DENND1B: variants seen among roughly 807,000 people sequenced by gnomAD.
The protein encoded by DENND1B is DENN domain-containing protein 1B.
Under a neutral mutation model 90.1 loss-of-function variants are expected in DENND1B, and 59 were observed. The ratio of observed to expected loss-of-function variants is 0.65; its 90% confidence interval spans 0.53 to 0.81. The LOEUF (loss-of-function observed/expected upper bound fraction) is 0.81, where lower values mean the gene tolerates loss of function less well. DENND1B is among the 40% of genes least tolerant of loss of function. The pLI, the probability that DENND1B is intolerant of heterozygous loss-of-function variation, is 0.00. For missense variants in DENND1B, 862 were observed against 912.6 expected (o/e 0.94, Z 0.71); for synonymous variants, 337 against 324.6 (o/e 1.04, Z -0.41).
intron 14 of DENND1B, among the ~76,000 whole-genome samples, chr1:197,586,210 G>A (rs971430816): frequency 4.0e-5 from 6 of 151,854 alleles, no homozygotes; most frequent in Admixed American, 2.6e-4. Context: ...GACTGAATAC[G>A]GAATCAAATA....
At chr1:197,648,130 C>A (rs950935144) in intron 7 of DENND1B, among the ~76,000 whole-genome samples, 22 of 152,096 alleles carry the variant, frequency 1.4e-4, no homozygotes, top group Non-Finnish European at 2.6e-4. Flanking sequence ...TTAGCTATTT[C>A]AGAAGAAAGT....
intron 4 of DENND1B, among the ~76,000 whole-genome samples, chr1:197,672,551 T>C (rs2125985101): frequency 6.6e-6 from 1 of 152,034 alleles, no homozygotes; most frequent in East Asian, 1.9e-4. Flanking sequence ...ATTCTAAAAT[T>C]GCTTAGATAG....
At chr1:197,745,897 G>T (rs533234502) in intron 2 of DENND1B, among the ~76,000 whole-genome samples, 1 of 151,966 alleles carries the variant, frequency 6.6e-6, no homozygotes, top group African/African-American at 2.4e-5. Context: ...TTAGTAAATT[G>T]CTTTTACTAT....
chr1:197,552,997 T>C, intron 16 of DENND1B, 25 bp downstream of exon 16: 1 of 1,564,418 alleles, frequency 6.4e-7, no homozygotes, highest in Non-Finnish European at 8.6e-7. Flanking sequence ...AGAAAATGGA[T>C]AATCATATTG....
chr1:197,586,394 C>A (rs1175579917), intron 14 of DENND1B, among the ~76,000 whole-genome samples: 1 of 151,878 alleles, frequency 6.6e-6, no homozygotes, highest in Non-Finnish European at 1.5e-5. Flanking sequence ...TATATTTTTT[C>A]AGTTTTAATT....
chr1:197,748,599 A>C (rs769751399), intron 2 of DENND1B, among the ~76,000 whole-genome samples: 2 of 152,188 alleles, frequency 1.3e-5, no homozygotes, highest in African/African-American at 2.4e-5. Context: ...ACTAGGAAAA[A>C]GACTCATCGG....
intron 10 of DENND1B, among the ~76,000 whole-genome samples, chr1:197,628,299 A>C (rs1678975950): frequency 6.6e-6 from 1 of 152,154 alleles, no homozygotes; most frequent in Non-Finnish European, 1.5e-5. Flanking sequence ...TAGTAACCAA[A>C]ACAGTGTGGT....
intron 21 of DENND1B, 86 bp downstream of exon 21, chr1:197,512,785 G>A (rs895185591): frequency 2.5e-6 from 3 of 1,184,204 alleles, no homozygotes; most frequent in Admixed American, 1.9e-5. Flanking sequence ...CTCTAAGAGT[G>A]CATACTCTTT....
chr1:197,717,091 T>C (rs1660721040), intron 2 of DENND1B, among the ~76,000 whole-genome samples: 1 of 151,968 alleles, frequency 6.6e-6, no homozygotes, highest in African/African-American at 2.4e-5. Context: ...ATTATTATAA[T>C]CATGTGCATC....
intron 4 of DENND1B, among the ~76,000 whole-genome samples, chr1:197,672,808 A>G (rs1253786562): frequency 6.6e-6 from 1 of 152,106 alleles, no homozygotes; most frequent in African/African-American, 2.4e-5. Flanking sequence ...ACTTTGAAGT[A>G]TCATACTACC....
intron 13 of DENND1B, among the ~76,000 whole-genome samples, chr1:197,601,426 A>C (rs1157556023): frequency 6.6e-6 from 1 of 151,724 alleles, no homozygotes; most frequent in Admixed American, 6.6e-5. Flanking sequence ...ACAATATTAC[A>C]CACAAAAAGT....
At chr1:197,764,674 ATTGAT>A (rs2102475457) in intron 2 of DENND1B, among the ~76,000 whole-genome samples, 1 of 152,314 alleles carries the variant, frequency 6.6e-6, no homozygotes, top group South Asian at 2.1e-4. Context: ...CTTCTTTTTA[ATTGAT>A]TTGAGTTTAC....
chr1:197,637,153 T>C (rs1679872273), intron 10 of DENND1B, among the ~76,000 whole-genome samples: 4 of 152,148 alleles, frequency 2.6e-5, no homozygotes, highest in Admixed American at 2.0e-4. Flanking sequence ...TATTTAATGT[T>C]GATTACACTA....
At chr1:197,541,061 C>T in intron 18 of DENND1B, 46 bp from the exon 19 acceptor site, 4 of 1,519,906 alleles carry the variant, frequency 2.6e-6, no homozygotes, top group Non-Finnish European at 3.6e-6. Flanking sequence ...GGTTCCATTA[C>T]CATTTAAAGA....
chr1:197,591,938 G>A (rs1345644007), intron 14 of DENND1B, among the ~76,000 whole-genome samples: 4 of 151,616 alleles, frequency 2.6e-5, no homozygotes, highest in Non-Finnish European at 4.4e-5. Context: ...GCAAAACCCC[G>A]TCTCTACTAA....
chr1:197,646,026 G>A (rs891861681), intron 8 of DENND1B, among the ~76,000 whole-genome samples: 22 of 151,698 alleles, frequency 1.5e-4, no homozygotes, highest in African/African-American at 4.4e-4. Context: ...AGAGTATATT[G>A]CTGAAAGGTT....
chr1:197,510,316 C>T lies in DENND1B; in HGVS notation c.*144G>A. 1.1e-6 allele frequency: 1 copy of T among 899,470 alleles called. No homozygotes were observed. The highest frequency in any genetic ancestry group is 1.6e-6 in the Non-Finnish European group (1 of 617,798). The allele number at this position is 899,470 out of a possible 1,614,324, so 55.7% of individuals were successfully genotyped here. A position where few individuals can be genotyped will look rare whatever the true frequency, so the allele number is the denominator to read the frequency against. On this transcript the variant is annotated 3_prime_UTR_variant, in exon 23 of 23. Transcript: ENST00000620048. ...TTAAAAATCAATGCATTTCATATAT[C>T]CTCGAAATGAACAAGTGAGAAAAAT... is the stretch of plus-strand genomic sequence containing the variant.
At chr1:197,610,453 T>C (rs1448391317) in intron 12 of DENND1B, among the ~76,000 whole-genome samples, 1 of 104,600 alleles carries the variant, frequency 9.6e-6, no homozygotes, top group Admixed American at 1.0e-4. Context: ...AGAATCATTA[T>C]GCAAAAAAAA....
intron 4 of DENND1B, among the ~76,000 whole-genome samples, chr1:197,673,170 C>T (rs75374270): frequency 0.017 from 2,521 of 151,584 alleles, 71 homozygotes; most frequent in African/African-American, 0.058. Context: ...AAAAAAAAAA[C>T]CCTCTAGTGA....
Sources: allele counts gnomAD v4.1 joint callset (sites outside exome capture counted in the v4.1 genomes callset), GRCh38; gene constraint gnomAD v4.1.1; transcripts MANE v1.5; gene names NCBI Gene and HGNC (gene_info 2026-07-23, HGNC 2026-07-21).